The following VPS41 variants were observed in gnomAD, a reference collection of about 807,000 sequenced individuals.
The protein encoded by VPS41 is VPS41 subunit of HOPS complex.
A neutral mutation model predicts 130.9 loss-of-function variants in VPS41; 85 were observed. The ratio of observed to expected loss-of-function variants is 0.65; its 90% CI spans 0.55 to 0.78. VPS41 has a LOEUF of 0.78. VPS41 is among the 30% of genes least tolerant of loss of function. The pLI is 0.00. For missense variants in VPS41, 874 were observed against 1,018.7 expected (o/e 0.86, Z 1.93); for synonymous variants, 335 against 332.9 (o/e 1.01, Z -0.07).
At chr7:38,825,389 G>A (rs920932661) in intron 5 of VPS41, among the ~76,000 whole-genome samples, 2 of 152,130 alleles carry the variant, frequency 1.3e-5, no homozygotes, top group Non-Finnish European at 2.9e-5. Flanking sequence ...TGCCAAACTA[G>A]CTGCTCACAC....
chr7:38,795,495 T>C lies in VPS41; in HGVS notation c.687A>G (p.Thr229=), dbSNP rs1391718331. 6.2e-7 allele frequency: 1 copy of C among 1,612,968 alleles called. No individual in the cohort carries two copies. Among genetic ancestry groups the C allele is most frequent in the Non-Finnish European group, 8.5e-7 (1 of 1,179,372 alleles). Residue 229 remains threonine (T), a synonymous_variant, in exon 9 of 29, where the codon ACA becomes ACG. Coordinates refer to ENST00000310301, the MANE Select transcript of VPS41 (RefSeq NM_014396.4). ...CAGAAGTCCCCCAGCCAATAATCAG[T>C]GTCACATTGTCCTTCCAGCAGAGGC... ...PCSLCWKDNV[T]LIIGWGTSVK...
At chr7:38,857,109 A>G (rs1392026969) in intron 4 of VPS41, among the ~76,000 whole-genome samples, 2 of 152,230 alleles carry the variant, frequency 1.3e-5, no homozygotes, top group African/African-American at 2.4e-5. Flanking sequence ...TCAGCAACTA[A>G]GGAATACAGT....
At chr7:38,729,689 C>T (rs1405838041) in intron 25 of VPS41, among the ~76,000 whole-genome samples, 2 of 152,164 alleles carry the variant, frequency 1.3e-5, no homozygotes, top group Non-Finnish European at 2.9e-5. Context: ...GAGGATGATG[C>T]CCATTTCTGG....
intron 27 of VPS41, chr7:38,728,211 T>C (rs1211533893): frequency 2.0e-6 from 1 of 493,410 alleles, no homozygotes. Flanking sequence ...GGCATCAACA[T>C]TACCTGGGAA....
intron 15 of VPS41, among the ~76,000 whole-genome samples, chr7:38,765,919 A>T (rs1007131118): frequency 6.6e-6 from 1 of 152,236 alleles, no homozygotes; most frequent in African/African-American, 2.4e-5. Context: ...TCAGAAGACT[A>T]TAACTAGGGG....
At chr7:38,790,794 A>G (rs983719494) in intron 9 of VPS41, among the ~76,000 whole-genome samples, 1 of 152,228 alleles carries the variant, frequency 6.6e-6, no homozygotes, top group Non-Finnish European at 1.5e-5. Context: ...CTTTTATTAC[A>G]TGAATGTACT....
intron 2 of VPS41, among the ~76,000 whole-genome samples, chr7:38,874,047 T>G (rs1786432514): frequency 6.6e-6 from 1 of 152,212 alleles, no homozygotes; most frequent in African/African-American, 2.4e-5. Context: ...CCTAATAATT[T>G]AAAATTTGTA....
intron 8 of VPS41, 86 bp downstream of exon 8, chr7:38,796,659 A>G: frequency 6.3e-7 from 1 of 1,595,646 alleles, no homozygotes; most frequent in Non-Finnish European, 8.6e-7. Flanking sequence ...AGCAAGTGGC[A>G]TCTTTTCCCT....
intron 2 of VPS41, among the ~76,000 whole-genome samples, chr7:38,872,000 C>T (rs971656339): frequency 1.3e-5 from 2 of 152,134 alleles, no homozygotes; most frequent in Admixed American, 6.5e-5. Context: ...AATATGTATT[C>T]GTTTACAGTT....
At chr7:38,757,750 C>T (rs569488335) in intron 18 of VPS41, among the ~76,000 whole-genome samples, 5 of 152,170 alleles carry the variant, frequency 3.3e-5, no homozygotes, top group African/African-American at 1.2e-4. Context: ...CAGGGATGGT[C>T]GTCTTGGCTA....
At chr7:38,761,024 C>T (rs1783900140) in intron 17 of VPS41, among the ~76,000 whole-genome samples, 1 of 152,092 alleles carries the variant, frequency 6.6e-6, no homozygotes, top group South Asian at 2.1e-4. Flanking sequence ...AGATTACAAA[C>T]TTCTTATATA....
At chr7:38,744,468 T>C (rs770672483) in intron 23 of VPS41, among the ~76,000 whole-genome samples, 3 of 152,226 alleles carry the variant, frequency 2.0e-5, no homozygotes, top group Non-Finnish European at 4.4e-5. Flanking sequence ...CTTACAAATA[T>C]TATTTCCACA....
Position 38,771,184 on chromosome 7 carries a change from A to C in VPS41, c.1185+14T>G, listed in dbSNP as rs1343436544. On this transcript the variant is annotated intron_variant, in intron 14 of 28. Transcript: ENST00000310301. Reference sequence around the variant, plus strand: ...AGATAAAATTATGTTTCAAATAACAAATTGCACACTTACCAGAATCTTATG... The same window carrying C: ...AGATAAAATTATGTTTCAAATAACACATTGCACACTTACCAGAATCTTATG... 6.4e-7 allele frequency: 1 copy of C among 1,566,118 alleles called. No individual in the cohort carries two copies. Among genetic ancestry groups the C allele is most frequent in the East Asian group, 2.2e-5 (1 of 44,476 alleles).
intron 25 of VPS41, among the ~76,000 whole-genome samples, chr7:38,734,566 A>C (rs2115579994): frequency 6.6e-6 from 1 of 152,314 alleles, no homozygotes; most frequent in East Asian, 1.9e-4. Context: ...ATTTCTCTGC[A>C]GTTCATCATC....
At chr7:38,893,162 C>A (rs983216208) in intron 2 of VPS41, among the ~76,000 whole-genome samples, 1 of 152,242 alleles carries the variant, frequency 6.6e-6, no homozygotes, top group African/African-American at 2.4e-5. Context: ...AGCTTCACAA[C>A]CGCACCAATT....
At chr7:38,890,984 T>G (rs1289769806) in intron 2 of VPS41, among the ~76,000 whole-genome samples, 1 of 150,480 alleles carries the variant, frequency 6.6e-6, no homozygotes, top group Non-Finnish European at 1.5e-5. Context: ...GAATATACGG[T>G]TATTTCAAAA....
intron 9 of VPS41, among the ~76,000 whole-genome samples, chr7:38,794,888 G>A (rs1784591739): frequency 6.6e-6 from 1 of 152,180 alleles, no homozygotes; most frequent in African/African-American, 2.4e-5. Flanking sequence ...AAATGTGAAT[G>A]AGCTTTGGGC....
intron 10 of VPS41, among the ~76,000 whole-genome samples, chr7:38,786,017 G>A (rs958237105): frequency 6.6e-6 from 1 of 152,204 alleles, no homozygotes; most frequent in African/African-American, 2.4e-5. Flanking sequence ...GAAAAGGTGA[G>A]CAGCTATCAT....
chr7:38,879,034 G>C (rs1786547658), intron 2 of VPS41, among the ~76,000 whole-genome samples: 1 of 152,178 alleles, frequency 6.6e-6, no homozygotes, highest in Non-Finnish European at 1.5e-5. Context: ...ACAAAACATG[G>C]CTTCTGCCAA....
Sources: allele counts gnomAD v4.1 joint callset (sites outside exome capture counted in the v4.1 genomes callset), GRCh38; gene constraint gnomAD v4.1.1; transcripts MANE v1.5; gene names NCBI Gene and HGNC (gene_info 2026-07-23, HGNC 2026-07-21).